Variants in KALRN observed in about 807,000 individuals in gnomAD.
KALRN encodes kalirin RhoGEF kinase.
Under a neutral mutation model 353.7 loss-of-function variants are expected in KALRN, and 70 were observed. The ratio of observed to expected loss-of-function variants is 0.20; its 90% CI spans 0.16 to 0.24. The LOEUF (loss-of-function observed/expected upper bound fraction) is 0.24, where lower values mean the gene tolerates loss of function less well. Among genes scored for constraint, KALRN ranks in the 10% least tolerant of loss-of-function variants. KALRN has a pLI of 1.00. For synonymous variants in KALRN, 1,391 were observed against 1,434.8 expected, an observed-to-expected ratio of 0.97 and a Z score of 0.69; for missense variants, 2,791 against 3,756.7, an observed-to-expected ratio of 0.74 and a Z score of 6.72.
intron 1 of KALRN, chr3:124,082,437 G>A (rs1367293845): frequency 5.4e-6 from 2 of 372,406 alleles, no homozygotes; most frequent in Non-Finnish European, 1.1e-5. Flanking sequence ...TCCCACAGCT[G>A]GCTTTATTTG....
In KALRN at chr3:124,265,402, C is replaced by T. The variant is rs4455274; in HGVS notation, c.456+712C>T. 7.6e-3 allele frequency among the ~76,000 whole-genome samples: 1,123 copies of T among 147,620 alleles called. 10 individuals carry two copies. Among genetic ancestry groups the T allele is most frequent in the African/African-American group, 0.025 (989 of 40,032 alleles). ...CTGCCTCCTGGGTTCAAGTGATTCT[C>T]CTGCCTCAGCCTCCTGAGCAGCTGG... On this transcript the variant is annotated intron_variant, in intron 4 of 59. Coordinates refer to ENST00000682506, the MANE Select transcript of KALRN (RefSeq NM_001388419.1).
chr3:124,637,097 A>T lies in KALRN; in HGVS notation c.5569-111A>T, dbSNP rs1003298597. The T allele has an allele frequency of 8.1e-6, 7 of 862,872 alleles. No homozygotes were observed. The African/African-American group carries it at 1.1e-4, about 14-fold the overall frequency. The allele number at this position is 862,872 out of a possible 1,614,324, so 53.5% of individuals were successfully genotyped here. The stretch of plus-strand genomic sequence containing the variant: ...TGTCACCTCTTCCGTCTAAACACAG[A>T]ACTTTGCTTCCCTTCCCTGGCTTGA... On this transcript the variant is annotated intron_variant, in intron 36 of 59. Transcript: ENST00000682506.
chr3:124,258,152 C>G (rs2072308658), intron 3 of KALRN, among the ~76,000 whole-genome samples: 1 of 152,156 alleles, frequency 6.6e-6, no homozygotes, highest in Non-Finnish European at 1.5e-5. Context: ...ACTCTGGCCA[C>G]TGCTGGGGTT....
chr3:124,385,505 T>A (rs2149948821), intron 11 of KALRN, among the ~76,000 whole-genome samples: 1 of 152,312 alleles, frequency 6.6e-6, no homozygotes, highest in African/African-American at 2.4e-5. Context: ...GTGTTTTTAT[T>A]TTATTTTTTA....
intron 37 of KALRN, among the ~76,000 whole-genome samples, chr3:124,638,169 T>G (rs2081581201): frequency 6.6e-6 from 1 of 152,164 alleles, no homozygotes; most frequent in African/African-American, 2.4e-5. Context: ...GTCTTATTAA[T>G]CACTTGGCCC....
chr3:124,679,538 C>T, intron 51 of KALRN, 21 bp downstream of exon 51: 1 of 1,597,422 alleles, frequency 6.3e-7, no homozygotes, highest in East Asian at 2.2e-5. Flanking sequence ...CTATTGTTGT[C>T]CTATTTCCTA....
At position 124,430,783 on chromosome 3, in the gene KALRN, C is replaced by A; in HGVS notation, c.2829+8C>A. 1 of 1,613,154 alleles carries A rather than the reference C, an allele frequency of 6.2e-7. No homozygotes were observed. The highest frequency in any genetic ancestry group is 8.5e-7 in the Non-Finnish European group (1 of 1,179,620). On this transcript the variant is annotated splice_region_variant and intron_variant, in intron 16 of 59. Coordinates refer to ENST00000682506, the MANE Select transcript of KALRN (RefSeq NM_001388419.1). ...TTCCAACTGGCCATCGAGGTAACACCCAAATCTGGCTGCACTGTCCTCCCT... is the reference window on the plus strand; with the variant it reads ...TTCCAACTGGCCATCGAGGTAACACACAAATCTGGCTGCACTGTCCTCCCT...
chr3:124,400,862 A>T (rs1664485), intron 13 of KALRN, among the ~76,000 whole-genome samples: 1,917 of 152,094 alleles, frequency 0.013, 17 homozygotes, highest in Middle Eastern at 0.024. Context: ...CTTCTTATTT[A>T]CTCTCCTGTC....
rs71625751 is a variant in KALRN at position 124,254,953 on chromosome 3, T to TATA, written c.264-9545_264-9544insATA. Among the ~76,000 whole-genome samples the TATA allele has an allele frequency of 1.5e-4, 21 of 137,820 alleles. No individual in the cohort carries two copies. The East Asian group carries it at 1.9e-3, about 13-fold the overall frequency. 90.4% of individuals were successfully genotyped at this position (137,820 alleles called of 152,430 possible). A position where few individuals can be genotyped will look rare whatever the true frequency, so the allele number is the denominator to read the frequency against. On this transcript the variant is annotated intron_variant, in intron 3 of 59. Transcript: ENST00000682506. ...CCTCTGTCTGAAGTATATATATATA[T>TATA]TTTTTTTTTGAGACAGAGTTTTGCT...
chr3:124,308,885 G>A (rs972410855), intron 6 of KALRN, among the ~76,000 whole-genome samples: 2 of 151,834 alleles, frequency 1.3e-5, no homozygotes, highest in African/African-American at 4.8e-5. Context: ...CTGGTTTATT[G>A]AAAAGGTCAA....
rs933635695 is a variant in KALRN, at chr3:124,057,568, C to A, written c.73+23755C>A. 6.6e-5 allele frequency among the ~76,000 whole-genome samples: 10 copies of A among 152,028 alleles called. No homozygotes were observed. The South Asian group carries it at 2.1e-3, about 32-fold the overall frequency. On this transcript the variant is annotated intron_variant, in intron 1 of 59. Coordinates refer to ENST00000682506, the MANE Select transcript of KALRN (RefSeq NM_001388419.1). ...AGATGTGAGTTTAACTGCAGCAGTCCTTATTGATTGAGGAATCTTTTTGCT... is the reference window on the plus strand; with the variant it reads ...AGATGTGAGTTTAACTGCAGCAGTCATTATTGATTGAGGAATCTTTTTGCT...
chr3:124,173,363 T>C (rs2150130066), intron 1 of KALRN, among the ~76,000 whole-genome samples: 1 of 152,246 alleles, frequency 6.6e-6, no homozygotes, highest in African/African-American at 2.4e-5. Flanking sequence ...ACCTGGGTGT[T>C]CCAGACTGGA....
At chr3:124,699,477 A>C (rs546088164) in intron 55 of KALRN, among the ~76,000 whole-genome samples, 1 of 152,346 alleles carries the variant, frequency 6.6e-6, no homozygotes, top group East Asian at 1.9e-4. Context: ...TGTTCAATAC[A>C]TGTTACTTTC....
intron 1 of KALRN, among the ~76,000 whole-genome samples, chr3:124,114,513 G>T (rs527785060): frequency 6.6e-5 from 10 of 152,168 alleles, no homozygotes; most frequent in Non-Finnish European, 4.4e-5. Flanking sequence ...GCATAGTGAA[G>T]ACTTCGGGAA....
chr3:124,543,088 C>T (rs1475963347), intron 33 of KALRN, among the ~76,000 whole-genome samples: 7 of 152,148 alleles, frequency 4.6e-5, no homozygotes, highest in Admixed American at 6.5e-5. Context: ...CCTCACGACA[C>T]GGTGGCTGGC....
In KALRN at chr3:124,454,788, A is replaced by G. The variant is rs1430525558; in HGVS notation, c.3553-389A>G. Among the ~76,000 whole-genome samples the G allele has an allele frequency of 2.6e-5, 4 of 152,184 alleles. No homozygotes were observed. The South Asian group carries it at 6.2e-4, about 24-fold the overall frequency. ...ACTATTTACTTAGTATTTACATTGT[A>G]TTAGGTATTGTAAGTAATTTAGAGA... On this transcript the variant is annotated intron_variant, in intron 21 of 59. Transcript: ENST00000682506.
At chr3:124,330,246 T>TCTCTCACACA (rs1421313474) in intron 8 of KALRN, among the ~76,000 whole-genome samples, 157 of 134,374 alleles carry the variant, frequency 1.2e-3, no homozygotes, top group African/African-American at 4.1e-3. Flanking sequence ...TCTCTCTCTC[T>TCTCTCACACA]CACACACACA....
intron 1 of KALRN, among the ~76,000 whole-genome samples, chr3:124,131,874 G>A (rs890931974): frequency 6.6e-6 from 1 of 152,160 alleles, no homozygotes; most frequent in Non-Finnish European, 1.5e-5. Flanking sequence ...AAGGCAATCT[G>A]TTCGCTTCCC....
chr3:124,074,851 G>C (rs2060190597), intron 1 of KALRN, among the ~76,000 whole-genome samples: 1 of 152,172 alleles, frequency 6.6e-6, no homozygotes, highest in Non-Finnish European at 1.5e-5. Flanking sequence ...TGGCCTCCAA[G>C]TAGTTTACTG....
Sources: allele counts gnomAD v4.1 joint callset (sites outside exome capture counted in the v4.1 genomes callset), GRCh38; gene constraint gnomAD v4.1.1; transcripts MANE v1.5; gene names NCBI Gene and HGNC (gene_info 2026-07-23, HGNC 2026-07-21).